PREP: variants seen among roughly 807,000 people sequenced by gnomAD.
PREP encodes the protein dJ355L5.1 (prolyl endopeptidase).
PREP carries 29 observed loss-of-function variants against 87.6 expected under a neutral mutation model. The ratio of observed to expected loss-of-function variants is 0.33; its 90% CI spans 0.25 to 0.45. PREP has a LOEUF of 0.45. Among genes scored for constraint, PREP ranks in the 20% least tolerant of loss-of-function variants. The probability of loss-of-function intolerance (pLI) is 1.00; values close to 1 mark genes in which losing one functional copy is unlikely to be tolerated. For synonymous variants in PREP, 337 were observed against 328.6 expected (o/e 1.03, Z -0.28); for missense variants, 695 against 886.5 (o/e 0.78, Z 2.74).
At chr6:105,365,024 C>T (rs1772350798) in intron 6 of PREP, among the ~76,000 whole-genome samples, 1 of 152,122 alleles carries the variant, frequency 6.6e-6, no homozygotes, top group South Asian at 2.1e-4. Context: ...CCAAGATGGG[C>T]GGATCAGAGG....
intron 10 of PREP, among the ~76,000 whole-genome samples, chr6:105,323,317 T>C (rs751849162): frequency 1.3e-5 from 2 of 152,232 alleles, no homozygotes; most frequent in South Asian, 2.1e-4. Flanking sequence ...CAAATCCCCA[T>C]GTTATTTACA....
rs1002486568 is a variant in PREP at position 105,275,653 on chromosome 6, T to A, written c.*2491A>T. Among the ~76,000 whole-genome samples the A allele has an allele frequency of 6.6e-6, 1 of 152,152 alleles. No homozygotes were observed. Among genetic ancestry groups the A allele is most frequent in the Non-Finnish European group, 1.5e-5 (1 of 68,030 alleles). On this transcript the variant is annotated 3_prime_UTR_variant, in exon 15 of 15. Coordinates refer to ENST00000652536, the MANE Select transcript of PREP (RefSeq NM_002726.5). ...CACTCCTGTGTCTACTGCAGCACTA[T>A]CCACAACAGCCAAGATAGGGAATCA...
At chr6:105,316,231 A>T (rs1770865330) in intron 10 of PREP, among the ~76,000 whole-genome samples, 1 of 152,174 alleles carries the variant, frequency 6.6e-6, no homozygotes, top group African/African-American at 2.4e-5. Flanking sequence ...GAACATTTGG[A>T]GGCCACTGTA....
chr6:105,345,543 C>G (rs1245601333), intron 7 of PREP, among the ~76,000 whole-genome samples: 1 of 152,168 alleles, frequency 6.6e-6, no homozygotes, highest in Non-Finnish European at 1.5e-5. Flanking sequence ...AAATGCTGTG[C>G]AAGCTCCCTA....
At chr6:105,300,960 C>T (rs1770521124) in intron 10 of PREP, among the ~76,000 whole-genome samples, 1 of 152,200 alleles carries the variant, frequency 6.6e-6, no homozygotes, top group Non-Finnish European at 1.5e-5. Context: ...AATTATTATT[C>T]TCCTTGAGAT....
At chr6:105,312,769 T>C (rs1770783872) in intron 10 of PREP, among the ~76,000 whole-genome samples, 1 of 152,112 alleles carries the variant, frequency 6.6e-6, no homozygotes, top group African/African-American at 2.4e-5. Flanking sequence ...TATTGAAAGA[T>C]GTGTGGAATT....
At chr6:105,355,325 G>A (rs1393015677) in intron 6 of PREP, among the ~76,000 whole-genome samples, 2 of 152,104 alleles carry the variant, frequency 1.3e-5, no homozygotes, top group Non-Finnish European at 2.9e-5. Context: ...ACCTCAAGGT[G>A]ATCCACCCAT....
chr6:105,366,737 T>C (rs1562217950), intron 6 of PREP, among the ~76,000 whole-genome samples: 1 of 152,128 alleles, frequency 6.6e-6, no homozygotes, highest in East Asian at 1.9e-4. Context: ...ACACATGGAA[T>C]ATTGTTCAGC....
intron 10 of PREP, among the ~76,000 whole-genome samples, chr6:105,305,116 G>T (rs962448693): frequency 6.6e-6 from 1 of 152,114 alleles, no homozygotes; most frequent in Non-Finnish European, 1.5e-5. Flanking sequence ...CCACTTACTT[G>T]TTTTATTGTA....
intron 2 of PREP, among the ~76,000 whole-genome samples, chr6:105,390,874 G>A (rs1056339202): frequency 6.6e-5 from 10 of 152,084 alleles, no homozygotes; most frequent in Non-Finnish European, 1.0e-4. Context: ...CCCAGCGATC[G>A]GAGAGATGCT....
chr6:105,335,707 C>T (rs1469182619), intron 7 of PREP, among the ~76,000 whole-genome samples: 2 of 152,118 alleles, frequency 1.3e-5, no homozygotes, highest in African/African-American at 4.8e-5. Context: ...CTGGCTAACA[C>T]AGTGAAACCC....
At chr6:105,387,176 C>T (rs936706376) in intron 2 of PREP, among the ~76,000 whole-genome samples, 1 of 151,416 alleles carries the variant, frequency 6.6e-6, no homozygotes, top group East Asian at 1.9e-4. Context: ...GGAGATCTGC[C>T]ACTGCACTGC....
intron 6 of PREP, among the ~76,000 whole-genome samples, chr6:105,366,326 C>G (rs1426608271): frequency 6.6e-6 from 1 of 152,156 alleles, no homozygotes; most frequent in Non-Finnish European, 1.5e-5. Flanking sequence ...TCCTCTTGAT[C>G]AGGGAAACAG....
rs111478335 is a variant in PREP, at chr6:105,360,115, G to A, written c.718-7038C>T. ...CCCAACAAACAGTTCACTTCTCTCC[G>A]CCTCAGGTCTGAATCAACTAGAAAC... On this transcript the variant is annotated intron_variant, in intron 6 of 14. Coordinates refer to ENST00000652536, the MANE Select transcript of PREP (RefSeq NM_002726.5). Among the ~76,000 whole-genome samples the A allele has an allele frequency of 9.9e-3, 1,508 of 152,200 alleles. 26 individuals carry two copies. The highest frequency in any genetic ancestry group is 0.033 in the African/African-American group (1,388 of 41,520).
At chr6:105,312,137 C>T (rs77155533) in intron 10 of PREP, among the ~76,000 whole-genome samples, 509 of 152,322 alleles carry the variant, frequency 3.3e-3, no homozygotes, top group African/African-American at 0.011. Flanking sequence ...TTTTTACTTG[C>T]AGGCTAAATG....
At chr6:105,377,705 T>G (rs906128025) in intron 2 of PREP, among the ~76,000 whole-genome samples, 186 bp from the exon 3 acceptor site, 2 of 152,220 alleles carry the variant, frequency 1.3e-5, no homozygotes, top group Admixed American at 1.3e-4. Context: ...AAGTGACTGA[T>G]TAATATGTAG....
chr6:105,315,313 G>A (rs533302717), intron 10 of PREP, among the ~76,000 whole-genome samples: 31 of 152,240 alleles, frequency 2.0e-4, no homozygotes, highest in African/African-American at 7.0e-4. Flanking sequence ...ACAGGCACAT[G>A]CCACCATGCT....
At chr6:105,306,143 C>G (rs542195083) in intron 10 of PREP, among the ~76,000 whole-genome samples, 7 of 151,822 alleles carry the variant, frequency 4.6e-5, no homozygotes, top group Admixed American at 3.3e-4. Flanking sequence ...TTGCCCAGCC[C>G]TATATATACC....
chr6:105,278,746 C>CT lies in PREP; in HGVS notation c.1839-309dup, dbSNP rs760729218. The stretch of plus-strand genomic sequence containing the variant: ...GGTGAGTAGTTTCATATTCTCTAGG[C>CT]TTTTTTTTTACTGCTACAAAGTGGA... On this transcript the variant is annotated intron_variant, in intron 14 of 14. Transcript: ENST00000652536. This position sits in a 1 kb window ranked among gnomAD's most constrained non-coding sequence, Gnocchi z 4.2. Among the ~76,000 whole-genome samples the CT allele has an allele frequency of 1.0e-3, 156 of 151,054 alleles. No individual in the cohort carries two copies. Among genetic ancestry groups the CT allele is most frequent in the East Asian group, 9.7e-3 (50 of 5,168 alleles).
Sources: allele counts gnomAD v4.1 joint callset (sites outside exome capture counted in the v4.1 genomes callset), GRCh38; gene constraint gnomAD v4.1.1; non-coding constraint Gnocchi (gnomAD v3.1); transcripts MANE v1.5; gene names NCBI Gene and HGNC (gene_info 2026-07-23, HGNC 2026-07-21).